The following STK17A variants were observed in gnomAD, a reference collection of about 807,000 sequenced individuals.
STK17A encodes the protein serine/threonine-protein kinase 17A.
In STK17A, 26 loss-of-function variants were observed where a neutral mutation model predicts 43.7. The ratio of observed to expected loss-of-function variants is 0.60; its 90% CI spans 0.44 to 0.83. STK17A has a LOEUF of 0.83. Among genes scored for constraint, STK17A ranks in the 40% least tolerant of loss-of-function variants. The probability of loss-of-function intolerance (pLI) is 0.00; values close to 1 mark genes in which losing one functional copy is unlikely to be tolerated. For synonymous variants in STK17A, 191 were observed against 182.5 expected (o/e 1.05, Z -0.38); for missense variants, 476 against 511.6 (o/e 0.93, Z 0.67).
chr7:43,608,609 A>G, intron 3 of STK17A: 1 of 436,616 alleles, frequency 2.3e-6, no homozygotes, highest in Non-Finnish European at 3.9e-6. Flanking sequence ...ACAAAATAAT[A>G]CAATGCCAAA....
chr7:43,614,111 T>G (rs2083125494), intron 3 of STK17A, among the ~76,000 whole-genome samples: 1 of 152,244 alleles, frequency 6.6e-6, no homozygotes, highest in Non-Finnish European at 1.5e-5. Flanking sequence ...CATGACACCC[T>G]AAGCCTTATT....
chr7:43,621,012 TA>T (rs907181310), intron 4 of STK17A, among the ~76,000 whole-genome samples: 2 of 151,796 alleles, frequency 1.3e-5, no homozygotes, highest in African/African-American at 4.8e-5. Flanking sequence ...GAGAAGAGGG[TA>T]AAAGGAGTGT....
intron 1 of STK17A, among the ~76,000 whole-genome samples, chr7:43,587,231 C>T (rs1029912289): frequency 5.4e-5 from 8 of 148,274 alleles, no homozygotes; most frequent in African/African-American, 1.5e-4. Flanking sequence ...CTCAGCTCAC[C>T]GCAAGACCCG....
At chr7:43,586,142 C>G (rs1222160884) in intron 1 of STK17A, among the ~76,000 whole-genome samples, 1 of 151,416 alleles carries the variant, frequency 6.6e-6, no homozygotes, top group Non-Finnish European at 1.5e-5. Context: ...GGAGAATACC[C>G]GTGTTAATAG....
intron 2 of STK17A, among the ~76,000 whole-genome samples, chr7:43,606,891 T>A (rs2082596383): frequency 6.7e-6 from 1 of 149,650 alleles, no homozygotes; most frequent in African/African-American, 2.4e-5. Flanking sequence ...ATCTTAATGG[T>A]CACTCAATCT....
Position 43,624,805 on chromosome 7 carries a change from C to T in STK17A, c.1208C>T (p.Pro403Leu), listed in dbSNP as rs749066768. The part of the protein sequence containing the change: ...AISKRFKFEE[P>L]LLQEIPGEFI... ...TCCAAACGATTTAAATTTGAGGAAC[C>T]TTTGCTACAAGAAATTCCAGGAGAA... is the stretch of plus-strand genomic sequence containing the variant. The change falls in exon 7 of 7, where the codon CCT becomes CTT. Residue 403 changes from proline (P) to leucine (L), a missense_variant. Around this residue, in one of 3 missense-constraint regions of STK17A, gnomAD observed 110 missense variants for 103.7 expected, o/e 1.06. Coordinates refer to ENST00000319357, the MANE Select transcript of STK17A (RefSeq NM_004760.3). 3 of 1,605,726 alleles carry T rather than the reference C, an allele frequency of 1.9e-6. No individual in the cohort carries two copies. The highest frequency in any genetic ancestry group is 1.7e-6 in the Non-Finnish European group (2 of 1,175,426).
intron 3 of STK17A, 81 bp downstream of exon 3, chr7:43,608,481 A>G: frequency 1.3e-6 from 2 of 1,487,900 alleles, no homozygotes; most frequent in Non-Finnish European, 1.8e-6. Context: ...TTATTCAAAC[A>G]TGTTTCACGT....
intron 4 of STK17A, among the ~76,000 whole-genome samples, 160 bp downstream of exon 4, chr7:43,619,883 G>A (rs1345396643): frequency 2.0e-5 from 3 of 152,196 alleles, no homozygotes; most frequent in Admixed American, 1.3e-4. Flanking sequence ...AATGGAAAAC[G>A]TTCAAGAGTA....
chr7:43,592,842 G>T (rs753932860), intron 1 of STK17A, among the ~76,000 whole-genome samples: 1 of 152,122 alleles, frequency 6.6e-6, no homozygotes, highest in Non-Finnish European at 1.5e-5. Context: ...CTCCAGCCTG[G>T]GTGACAGAAC....
intron 2 of STK17A, among the ~76,000 whole-genome samples, chr7:43,602,611 AT>A (rs1265363585): frequency 1.3e-5 from 2 of 152,028 alleles, no homozygotes; most frequent in South Asian, 4.1e-4. Flanking sequence ...TCACAGCCCT[AT>A]TTTTTTAAAA....
chr7:43,596,745 G>A (rs933831553), intron 2 of STK17A, among the ~76,000 whole-genome samples: 1 of 151,970 alleles, frequency 6.6e-6, no homozygotes, highest in African/African-American at 2.4e-5. Context: ...GCATGTGCCT[G>A]TAATCCCAGC....
intron 2 of STK17A, among the ~76,000 whole-genome samples, chr7:43,596,895 C>T (rs2082519803): frequency 6.7e-6 from 1 of 149,520 alleles, no homozygotes; most frequent in Non-Finnish European, 1.5e-5. Flanking sequence ...AACCTTAATA[C>T]TCATGCCTGT....
chr7:43,592,202 T>G (rs1387725906), intron 1 of STK17A, among the ~76,000 whole-genome samples: 1 of 151,678 alleles, frequency 6.6e-6, no homozygotes, highest in Non-Finnish European at 1.5e-5. Context: ...TGGGAACCTT[T>G]TAAAACTTGA....
At chr7:43,597,026 A>C (rs1041098714) in intron 2 of STK17A, among the ~76,000 whole-genome samples, 60 of 152,268 alleles carry the variant, frequency 3.9e-4, no homozygotes, top group African/African-American at 1.4e-3. Context: ...TTAAAAAAAC[A>C]AAAAAGACTT....
At chr7:43,622,112 C>T (rs2083956951) in intron 4 of STK17A, among the ~76,000 whole-genome samples, 1 of 152,190 alleles carries the variant, frequency 6.6e-6, no homozygotes, top group Non-Finnish European at 1.5e-5. Context: ...ATAATAAGCA[C>T]TCAAAAAAGT....
chr7:43,598,312 T>C (rs2152971390), intron 2 of STK17A, among the ~76,000 whole-genome samples: 1 of 151,894 alleles, frequency 6.6e-6, no homozygotes, highest in African/African-American at 2.4e-5. Context: ...CTACTAAATA[T>C]ACAAAAAATT....
chr7:43,583,296 C>G lies in STK17A; in HGVS notation c.53C>G (p.Ser18Ter). ...GGCGGCTCCTCCCCAGGCGCCACCTCAGGCTCGGGCCGGGCAGGCCGGGGT... is the reference window on the plus strand; with the variant it reads ...GGCGGCTCCTCCCCAGGCGCCACCTGAGGCTCGGGCCGGGCAGGCCGGGGT... ...GSGGSSPGATSGSGRAGRGLS... is the reference protein window; with the variant it reads ...GSGGSSPGAT The change falls in exon 1 of 7, where the codon TCA (serine) becomes TGA (stop). Residue 18 changes from serine (S) to a stop codon, truncating the protein, a stop_gained. Coordinates refer to ENST00000319357, the MANE Select transcript of STK17A (RefSeq NM_004760.3). LOFTEE classifies it high-confidence loss of function. The G allele has an allele frequency of 1.3e-6, 2 of 1,535,930 alleles. No homozygotes were observed. Among genetic ancestry groups the G allele is most frequent in the South Asian group, 1.2e-5 (1 of 83,124 alleles).
At position 43,608,639 on chromosome 7, in the gene STK17A, A is replaced by G. The variant is rs1326636203; in HGVS notation, c.564+239A>G. ...GCCAAAGAAAGGAACTCAAAATATG[A>G]TAAGACAGAACTTGAGCTAGATCTT... On this transcript the variant is annotated intron_variant, in intron 3 of 6. Transcript: ENST00000319357. 1.2e-5 allele frequency: 4 copies of G among 346,544 alleles called. No homozygotes were observed. The East Asian group carries it at 1.5e-4, about 13-fold the overall frequency. The allele number at this position is 346,544 out of a possible 1,614,324, so 21.5% of individuals were successfully genotyped here.
rs770814106 is a variant in STK17A at position 43,624,830 on chromosome 7, ATTT to A, written c.1234_1236del (p.Phe412del). On this transcript the variant is annotated inframe_deletion, in exon 7 of 7. Transcript: ENST00000319357. ...CTTTGCTACAAGAAATTCCAGGAGA[ATTT>A]ATCTACTGAGCAATATTTCCCTTTA... 65 of 1,600,570 alleles carry A rather than the reference ATTT, an allele frequency of 4.1e-5. No homozygotes were observed. The highest frequency in any genetic ancestry group is 1.7e-4 in the Middle Eastern group (1 of 5,986).
Sources: gnomAD v4.1 joint callset for allele counts (sites outside exome capture counted in the v4.1 genomes callset) on GRCh38, gnomAD v4.1.1 for gene constraint, gnomAD v4.1.1 regional missense constraint, MANE v1.5 for transcripts, NCBI Gene and HGNC (gene_info 2026-07-23, HGNC 2026-07-21) for gene names.